PLD5: variants seen among roughly 807,000 people sequenced by gnomAD.
PLD5 encodes inactive phospholipase D5.
In PLD5, 36 loss-of-function variants were observed where a neutral mutation model predicts 61.1. The observed-to-expected ratio is 0.59, with a 90% CI of 0.45 to 0.78. The LOEUF (loss-of-function observed/expected upper bound fraction) is 0.78. Among genes scored for constraint, PLD5 ranks in the 30% least tolerant of loss-of-function variants. PLD5 has a pLI of 0.00. For synonymous variants in PLD5, 243 were observed against 242.8 expected (o/e 1.00, Z -0.01); for missense variants, 515 against 644.4 (o/e 0.80, Z 2.17).
At chr1:242,526,655 C>G (rs1379324803), upstream of PLD5, among the ~76,000 whole-genome samples, 2 of 152,164 alleles carry the variant, frequency 1.3e-5, no homozygotes, top group Admixed American at 6.5e-5. Context: ...AGGCTGGTCT[C>G]TCAAGTGATC....
At chr1:242,458,916 T>C (rs182777318) in intron 1 of PLD5, among the ~76,000 whole-genome samples, 6 of 152,368 alleles carry the variant, frequency 3.9e-5, no homozygotes, top group East Asian at 3.9e-4. Flanking sequence ...AAATGATTTA[T>C]TTTTACATTA....
At chr1:242,440,639 A>C (rs1666229598) in intron 1 of PLD5, among the ~76,000 whole-genome samples, 1 of 152,258 alleles carries the variant, frequency 6.6e-6, no homozygotes. Flanking sequence ...CCAGAATCAC[A>C]GAGATTTTAG....
chr1:242,331,165 A>C (rs1360609658), intron 2 of PLD5, among the ~76,000 whole-genome samples: 1 of 152,190 alleles, frequency 6.6e-6, no homozygotes, highest in African/African-American at 2.4e-5. Context: ...CAGAAATGCA[A>C]ATATGAATGA....
chr1:242,498,885 A>T (rs1668462400), intron 1 of PLD5, among the ~76,000 whole-genome samples: 1 of 152,260 alleles, frequency 6.6e-6, no homozygotes, highest in Non-Finnish European at 1.5e-5. Context: ...TGGAATGAAC[A>T]TTCTCAAAGA....
chr1:242,409,586 A>G (rs1254580112), intron 1 of PLD5, among the ~76,000 whole-genome samples: 1 of 152,152 alleles, frequency 6.6e-6, no homozygotes. Context: ...ATAGGCAAGA[A>G]AGAAGGAAGA....
At chr1:242,150,969 AT>A (rs1272742570) in intron 5 of PLD5, among the ~76,000 whole-genome samples, 4 of 151,518 alleles carry the variant, frequency 2.6e-5, no homozygotes, top group Non-Finnish European at 4.4e-5. Flanking sequence ...ATTATTTAAA[AT>A]TTTTAGTGGT....
chr1:242,095,335 C>T (rs1381413929), intron 9 of PLD5, among the ~76,000 whole-genome samples: 1 of 152,166 alleles, frequency 6.6e-6, no homozygotes, highest in Non-Finnish European at 1.5e-5. Flanking sequence ...CGGGTTCAAG[C>T]GATTCTCCTG....
At chr1:242,377,119 G>A in intron 1 of PLD5, 11 of 1,611,746 alleles carry the variant, frequency 6.8e-6, no homozygotes, top group Non-Finnish European at 9.3e-6. Context: ...GCCCCATTTT[G>A]CTTGGACACT....
rs1248703763 is a variant in PLD5, at chr1:242,329,012, AT to A, written c.326+19093del. On this transcript the variant is annotated intron_variant, in intron 2 of 9. Transcript: ENST00000536534. ...TTCCTGCAAATTTTTTGTTTTATTT[AT>A]TTATTATTTTTTTGAGACAGAGTCT... Among the ~76,000 whole-genome samples the A allele has an allele frequency of 1.7e-3, 79 of 45,208 alleles. No individual in the cohort carries two copies. The South Asian group carries it at 0.019, about 11-fold the overall frequency. The allele number at this position is 45,208 out of a possible 152,430, so 29.7% of individuals were successfully genotyped here.
At chr1:242,476,601 C>T (rs867614343) in intron 1 of PLD5, among the ~76,000 whole-genome samples, 1 of 152,158 alleles carries the variant, frequency 6.6e-6, no homozygotes. Context: ...TGTTTAATTA[C>T]AGACAGCACT....
chr1:242,514,306 C>T (rs1298197279), intron 1 of PLD5, among the ~76,000 whole-genome samples: 1 of 152,186 alleles, frequency 6.6e-6, no homozygotes, highest in Non-Finnish European at 1.5e-5. Flanking sequence ...TAATTCAGAC[C>T]AGTCCTACAA....
At chr1:242,213,164 T>G (rs1170889447) in intron 5 of PLD5, among the ~76,000 whole-genome samples, 1 of 152,182 alleles carries the variant, frequency 6.6e-6, no homozygotes, top group Non-Finnish European at 1.5e-5. Context: ...CTTAAAAGAC[T>G]GTTTTTATAT....
chr1:242,313,571 T>TA (rs1387694979), intron 2 of PLD5, among the ~76,000 whole-genome samples: 1 of 152,220 alleles, frequency 6.6e-6, no homozygotes, highest in Admixed American at 6.5e-5. Flanking sequence ...TCATGCTTGA[T>TA]AAAATAATAG....
intron 5 of PLD5, among the ~76,000 whole-genome samples, chr1:242,179,023 G>C (rs144893722): frequency 3.6e-4 from 55 of 152,316 alleles, no homozygotes; most frequent in Non-Finnish European, 6.3e-4. Context: ...GAGAATATTT[G>C]AATTGTTATA....
intron 5 of PLD5, among the ~76,000 whole-genome samples, chr1:242,150,673 T>C (rs1664861783): frequency 6.6e-6 from 1 of 151,844 alleles, no homozygotes. Context: ...TAGAATCTTT[T>C]CATTTTTAGC....
chr1:242,195,416 C>T (rs1304834074), intron 5 of PLD5, among the ~76,000 whole-genome samples: 1 of 152,216 alleles, frequency 6.6e-6, no homozygotes, highest in African/African-American at 2.4e-5. Context: ...GTTTCTTCTA[C>T]TTTGATGCTT....
intron 1 of PLD5, among the ~76,000 whole-genome samples, chr1:242,455,436 G>C (rs553890614): frequency 3.9e-5 from 6 of 152,330 alleles, no homozygotes; most frequent in African/African-American, 1.4e-4. Context: ...TTGCCAAAGA[G>C]ATTTAGTGAT....
chr1:242,262,678 G>A (rs1234934830), intron 4 of PLD5, among the ~76,000 whole-genome samples: 1 of 152,104 alleles, frequency 6.6e-6, no homozygotes, highest in Non-Finnish European at 1.5e-5. Context: ...TATAGACCAT[G>A]GCTCATTAGA....
At chr1:242,502,157 T>C (rs1015623357) in intron 1 of PLD5, among the ~76,000 whole-genome samples, 1 of 152,162 alleles carries the variant, frequency 6.6e-6, no homozygotes, top group Non-Finnish European at 1.5e-5. Context: ...CATCTAACTC[T>C]TGTTAGACCT....
Sources: allele counts gnomAD v4.1 joint callset (sites outside exome capture counted in the v4.1 genomes callset), GRCh38; gene constraint gnomAD v4.1.1; transcripts MANE v1.5; gene names NCBI Gene and HGNC (gene_info 2026-07-23, HGNC 2026-07-21).